ZNF385D: variants seen among roughly 807,000 people sequenced by gnomAD.
The protein encoded by ZNF385D is zinc finger protein 385D.
ZNF385D carries 15 observed loss-of-function variants against 35.8 expected under a neutral mutation model. The ratio of observed to expected loss-of-function variants is 0.42; its 90% CI spans 0.28 to 0.64. ZNF385D has a LOEUF of 0.64. Ranked by LOEUF, ZNF385D falls within the 30% of genes least tolerant of loss-of-function variation. The pLI is 0.23. For synonymous variants in ZNF385D, 212 were observed against 186.8 expected (o/e 1.13, Z -1.10); for missense variants, 474 against 494.6 (o/e 0.96, Z 0.39).
At chr3:22,294,224 A>C (rs1252270942) in intron 2 of ZNF385D, among the ~76,000 whole-genome samples, 1 of 152,082 alleles carries the variant, frequency 6.6e-6, no homozygotes, top group Non-Finnish European at 1.5e-5. Flanking sequence ...TGTGGCAGTA[A>C]ACCCTATAAA....
chr3:21,621,988 C>G (rs1453164297), intron 2 of ZNF385D, among the ~76,000 whole-genome samples: 1 of 151,742 alleles, frequency 6.6e-6, no homozygotes, highest in African/African-American at 2.4e-5. Flanking sequence ...TTTTGTTTTG[C>G]TTTTATTTCC....
intron 5 of ZNF385D, among the ~76,000 whole-genome samples, chr3:21,436,149 A>ATGTG (rs142483440): frequency 1.1e-4 from 16 of 150,178 alleles, no homozygotes; most frequent in African/African-American, 3.9e-4. Context: ...GACTGTGTGT[A>ATGTG]TGTGTGTGTG....
chr3:21,447,021 T>C (rs1022107854), intron 4 of ZNF385D, among the ~76,000 whole-genome samples: 12 of 152,180 alleles, frequency 7.9e-5, no homozygotes, highest in African/African-American at 2.4e-4. Flanking sequence ...ATGTTTAGTA[T>C]AAAGCACAGT....
At chr3:22,077,818 G>A (rs1167388762) in intron 3 of ZNF385D, among the ~76,000 whole-genome samples, 1 of 151,844 alleles carries the variant, frequency 6.6e-6, no homozygotes, top group Admixed American at 6.6e-5. Flanking sequence ...ATCATTTTAA[G>A]TAATAGGTGT....
At chr3:21,952,643 A>G (rs1575996085) in intron 3 of ZNF385D, among the ~76,000 whole-genome samples, 1 of 152,056 alleles carries the variant, frequency 6.6e-6, no homozygotes, top group South Asian at 2.1e-4. Flanking sequence ...AAATACTTCA[A>G]ATTTAACTAC....
chr3:21,424,501 G>C (rs949946039), intron 6 of ZNF385D, among the ~76,000 whole-genome samples: 1 of 149,416 alleles, frequency 6.7e-6, no homozygotes, highest in African/African-American at 2.5e-5. Flanking sequence ...TTTTAGTAGA[G>C]ATGGGGTTTC....
intron 3 of ZNF385D, among the ~76,000 whole-genome samples, chr3:21,829,436 G>C (rs1350954182): frequency 1.3e-5 from 2 of 152,146 alleles, no homozygotes; most frequent in Non-Finnish European, 2.9e-5. Context: ...CATTGTAGTA[G>C]TGGCTTAGAG....
At chr3:21,945,128 G>T (rs146326669) in intron 3 of ZNF385D, among the ~76,000 whole-genome samples, 2,642 of 148,820 alleles carry the variant, frequency 0.018, 29 homozygotes, top group Non-Finnish European at 0.026. Context: ...ATACGTGTGT[G>T]TATATATATG....
At chr3:21,569,729 TA>T (rs1367694040) in intron 2 of ZNF385D, among the ~76,000 whole-genome samples, 12 of 151,780 alleles carry the variant, frequency 7.9e-5, no homozygotes, top group African/African-American at 2.7e-4. Context: ...TATGCAGCCA[TA>T]AAAAATGATG....
intron 2 of ZNF385D, among the ~76,000 whole-genome samples, chr3:21,638,580 T>C (rs2065514556): frequency 6.6e-6 from 1 of 152,106 alleles, no homozygotes; most frequent in African/African-American, 2.4e-5. Flanking sequence ...ACATCTGTCA[T>C]AAAGTTATTT....
intron 3 of ZNF385D, among the ~76,000 whole-genome samples, chr3:21,541,318 G>A (rs1358546895): frequency 2.6e-5 from 4 of 152,152 alleles, no homozygotes; most frequent in Non-Finnish European, 5.9e-5. Flanking sequence ...GGGGGCAGAA[G>A]GTAAATGGGA....
intron 3 of ZNF385D, among the ~76,000 whole-genome samples, chr3:21,775,779 T>C (rs2071263230): frequency 6.6e-6 from 1 of 151,888 alleles, no homozygotes; most frequent in African/African-American, 2.4e-5. Context: ...GAGTAAATTT[T>C]TAGATTGTCT....
chr3:21,623,215 T>C (rs2065053281), intron 2 of ZNF385D, among the ~76,000 whole-genome samples: 1 of 152,160 alleles, frequency 6.6e-6, no homozygotes, highest in South Asian at 2.1e-4. Flanking sequence ...GTTCAAGCAC[T>C]TATGCATGGT....
chr3:21,700,353 T>C (rs902013722), intron 1 of ZNF385D, among the ~76,000 whole-genome samples: 2 of 152,216 alleles, frequency 1.3e-5, no homozygotes, highest in African/African-American at 2.4e-5. Flanking sequence ...TAATTTATGC[T>C]AAGCAACTTA....
intron 3 of ZNF385D, among the ~76,000 whole-genome samples, chr3:22,050,069 G>C (rs75218705): frequency 0.029 from 4,389 of 152,158 alleles, 92 homozygotes; most frequent in Non-Finnish European, 0.045. Flanking sequence ...TATTAGTTTA[G>C]TTAAAATGTT....
intron 2 of ZNF385D, among the ~76,000 whole-genome samples, chr3:22,298,023 A>G (rs191912625): frequency 7.6e-4 from 116 of 152,228 alleles, no homozygotes; most frequent in African/African-American, 2.7e-3. Context: ...TTGGGGGAAT[A>G]TAATGATGAA....
intron 2 of ZNF385D, among the ~76,000 whole-genome samples, chr3:22,280,911 C>T (rs572551812): frequency 6.6e-6 from 1 of 152,170 alleles, no homozygotes. Context: ...TTTCTTTCAG[C>T]AGTGTTTTGT....
chr3:21,439,639 A>G (rs1164663035), intron 4 of ZNF385D, among the ~76,000 whole-genome samples: 1 of 152,058 alleles, frequency 6.6e-6, no homozygotes, highest in East Asian at 1.9e-4. Flanking sequence ...TAACTTTCCT[A>G]TTTATAGTGC....
chr3:21,531,803 A>T (rs952535566), intron 3 of ZNF385D, among the ~76,000 whole-genome samples: 2 of 152,242 alleles, frequency 1.3e-5, no homozygotes, highest in African/African-American at 4.8e-5. Flanking sequence ...GCTATTCTGT[A>T]TAATATGGTA....
Sources: allele counts gnomAD v4.1 joint callset (sites outside exome capture counted in the v4.1 genomes callset), GRCh38; gene constraint gnomAD v4.1.1; transcripts MANE v1.5; gene names NCBI Gene and HGNC (gene_info 2026-07-23, HGNC 2026-07-21).